The following ADCY8 variants were observed in gnomAD, a reference collection of about 807,000 sequenced individuals.
The protein encoded by ADCY8 is adenylate cyclase 8, also known as adenylate cyclase type 8.
ADCY8 carries 51 observed loss-of-function variants against 119.7 expected under a neutral mutation model. The observed-to-expected ratio is 0.43, with a 90% confidence interval of 0.34 to 0.54. The LOEUF (loss-of-function observed/expected upper bound fraction) is 0.54, where lower values mean the gene tolerates loss of function less well. ADCY8 is among the 20% of genes least tolerant of loss of function. ADCY8 has a pLI of 0.03. For missense variants in ADCY8, 1,383 were observed against 1,598.8 expected (o/e 0.87, Z 2.30); for synonymous variants, 665 against 651.0 (o/e 1.02, Z -0.33).
intron 12 of ADCY8, among the ~76,000 whole-genome samples, chr8:130,830,532 G>A (rs1013725953): frequency 6.6e-6 from 1 of 152,078 alleles, no homozygotes; most frequent in African/African-American, 2.4e-5. Context: ...TCTCAATAGA[G>A]AGAGAGCTGT....
intron 2 of ADCY8, among the ~76,000 whole-genome samples, chr8:130,953,866 C>T (rs59389157): frequency 0.048 from 7,305 of 152,280 alleles, 194 homozygotes; most frequent in Non-Finnish European, 0.055. Flanking sequence ...CTCTTGAGTG[C>T]TATCCCATCA....
chr8:130,901,458 A>T (rs1819600241), intron 7 of ADCY8, among the ~76,000 whole-genome samples: 1 of 152,208 alleles, frequency 6.6e-6, no homozygotes, highest in Non-Finnish European at 1.5e-5. Flanking sequence ...ATTTAGCTGG[A>T]ATACCCCCAG....
intron 2 of ADCY8, among the ~76,000 whole-genome samples, chr8:130,959,116 T>C (rs1380973379): frequency 1.3e-5 from 2 of 152,186 alleles, no homozygotes; most frequent in Non-Finnish European, 2.9e-5. Flanking sequence ...TATTGTACAG[T>C]TGAAAATTAA....
chr8:130,931,279 G>C (rs1291422339), intron 5 of ADCY8, among the ~76,000 whole-genome samples: 1 of 152,158 alleles, frequency 6.6e-6, no homozygotes, highest in Non-Finnish European at 1.5e-5. Flanking sequence ...CTCCTAGCCT[G>C]TAAGGTTTCT....
intron 1 of ADCY8, among the ~76,000 whole-genome samples, chr8:131,014,033 A>T (rs147228506): frequency 0.016 from 2,499 of 152,324 alleles, 29 homozygotes; most frequent in South Asian, 0.039. Context: ...ACTTCACATG[A>T]AATAACTTTA....
In ADCY8 at chr8:130,992,396, T is replaced by A. The variant is rs1408119351; in HGVS notation, c.961-1854A>T. Among the ~76,000 whole-genome samples the A allele has an allele frequency of 9.0e-4, 26 of 28,854 alleles. 4 individuals are homozygous for A. The highest frequency in any genetic ancestry group is 3.6e-3 in the African/African-American group (24 of 6,610). 18.9% of individuals were successfully genotyped at this position (28,854 alleles called of 152,430 possible). ...ACTGTATCTGGCATATATATATATA[T>A]ATATATATATATATATATATATATA... On this transcript the variant is annotated intron_variant, in intron 1 of 17. Coordinates refer to ENST00000286355, the MANE Select transcript of ADCY8 (RefSeq NM_001115.3).
At chr8:130,943,497 G>GGCCC in intron 3 of ADCY8, 35 bp from the exon 4 acceptor site, 3 of 491,356 alleles carry the variant, frequency 6.1e-6, no homozygotes, top group East Asian at 5.4e-5. Context: ...GTGGGGGGAG[G>GGCCC]AAGTATATTA....
intron 5 of ADCY8, among the ~76,000 whole-genome samples, chr8:130,929,481 C>A (rs76688559): frequency 6.6e-6 from 1 of 152,054 alleles, no homozygotes; most frequent in Non-Finnish European, 1.5e-5. Context: ...GTGTTATACC[C>A]TTGTGGTCAG....
intron 5 of ADCY8, among the ~76,000 whole-genome samples, chr8:130,922,666 C>A (rs925269083): frequency 6.6e-6 from 1 of 152,148 alleles, no homozygotes; most frequent in African/African-American, 2.4e-5. Context: ...ACCTTCCCCC[C>A]TTTCTATTCC....
At chr8:130,883,990 T>G (rs1296343792) in intron 8 of ADCY8, among the ~76,000 whole-genome samples, 1 of 152,178 alleles carries the variant, frequency 6.6e-6, no homozygotes, top group African/African-American at 2.4e-5. Flanking sequence ...TTTACTTATC[T>G]AAGTTCACAT....
chr8:130,914,822 CT>C (rs1251539476), intron 5 of ADCY8, among the ~76,000 whole-genome samples: 1 of 152,232 alleles, frequency 6.6e-6, no homozygotes, highest in Non-Finnish European at 1.5e-5. Flanking sequence ...TCTCTAGACA[CT>C]CGGATTCTGG....
intron 4 of ADCY8, among the ~76,000 whole-genome samples, chr8:130,939,302 A>C (rs796782241): frequency 3.9e-5 from 6 of 152,322 alleles, no homozygotes; most frequent in African/African-American, 1.4e-4. Context: ...CATTGCTTTT[A>C]TCATTTTTAA....
chr8:130,992,120 C>T (rs1304470927), intron 1 of ADCY8, among the ~76,000 whole-genome samples: 1 of 150,398 alleles, frequency 6.6e-6, no homozygotes, highest in Non-Finnish European at 1.5e-5. Flanking sequence ...CACTCCATCA[C>T]CCAGGCTGGA....
intron 3 of ADCY8, among the ~76,000 whole-genome samples, chr8:130,946,797 A>G (rs1019308833): frequency 6.6e-6 from 1 of 152,180 alleles, no homozygotes; most frequent in African/African-American, 2.4e-5. Flanking sequence ...GCATCTCATG[A>G]AATTGTTAGA....
chr8:131,026,356 C>T (rs1287351320), intron 1 of ADCY8, among the ~76,000 whole-genome samples: 2 of 152,256 alleles, frequency 1.3e-5, no homozygotes, highest in African/African-American at 2.4e-5. Context: ...AGCTTCCCAG[C>T]CTCCAGAACT....
intron 4 of ADCY8, among the ~76,000 whole-genome samples, chr8:130,940,951 T>C (rs1462956978): frequency 1.3e-5 from 2 of 152,228 alleles, no homozygotes; most frequent in African/African-American, 2.4e-5. Context: ...CAGGGATGTA[T>C]ACTTTGCATT....
At chr8:130,822,543 C>CATGA (rs1235263464) in intron 12 of ADCY8, among the ~76,000 whole-genome samples, 50 of 24,034 alleles carry the variant, frequency 2.1e-3, no homozygotes, top group Admixed American at 6.7e-3. Flanking sequence ...TGAATCCATC[C>CATGA]ATCCATCCAT....
intron 1 of ADCY8, among the ~76,000 whole-genome samples, chr8:130,991,272 C>G (rs144869796): frequency 1.3e-5 from 2 of 152,278 alleles, no homozygotes; most frequent in East Asian, 3.9e-4. Context: ...TGGCTTTAGC[C>G]TGAGAACAGG....
At chr8:130,990,855 C>T (rs1822556116) in intron 1 of ADCY8, 1 of 191,802 alleles carries the variant, frequency 5.2e-6, no homozygotes, top group Non-Finnish European at 1.1e-5. Context: ...TATCTGTCTC[C>T]CCTTCACCAG....
Sources: allele counts gnomAD v4.1 joint callset (sites outside exome capture counted in the v4.1 genomes callset), GRCh38; gene constraint gnomAD v4.1.1; transcripts MANE v1.5; gene names NCBI Gene and HGNC (gene_info 2026-07-23, HGNC 2026-07-21).